RUFY1: variants seen among roughly 807,000 people sequenced by gnomAD.
RUFY1 encodes the protein RUN and FYVE domain containing 1.
A neutral mutation model predicts 94.6 loss-of-function variants in RUFY1; 54 were observed. The observed-to-expected ratio is 0.57, with a 90% CI of 0.46 to 0.72. The LOEUF is 0.72. RUFY1 is among the 30% of genes least tolerant of loss of function. The pLI is 0.00. For missense variants in RUFY1, 883 were observed against 883.9 expected, an observed-to-expected ratio of 1.00 and a Z score of 0.01; for synonymous variants, 396 against 347.3, an observed-to-expected ratio of 1.14 and a Z score of -1.56.
At chr5:179,602,145 G>A in intron 15 of RUFY1, 159 bp downstream of exon 15, 1 of 630,896 alleles carries the variant, frequency 1.6e-6, no homozygotes, top group Non-Finnish European at 2.9e-6. Flanking sequence ...CCCGGCCTCA[G>A]AGGGGCCCAG....
At position 179,609,483 on chromosome 5, in the gene RUFY1, CCTGCTCCTGCAGCG is replaced by C. The variant is rs1282413684; in HGVS notation, c.2100_2113del (p.Gln701HisfsTer103). ...TGCGAGTGTGCGACAGCTGCCACAC[CCTGCTCCTGCAGCG>C]CTGCTCCTCCACGGCCTCCTGAACG... On this transcript the variant is annotated frameshift_variant, in exon 18 of 18. Coordinates refer to ENST00000319449, the MANE Select transcript of RUFY1 (RefSeq NM_025158.5). LOFTEE classifies it high-confidence loss of function. 5 of 1,610,588 alleles carry C rather than the reference CCTGCTCCTGCAGCG, an allele frequency of 3.1e-6. No homozygotes were observed. Among genetic ancestry groups the C allele is most frequent in the African/African-American group, 2.7e-5 (2 of 74,896 alleles).
At chr5:179,588,514 G>A (rs1764788873) in intron 8 of RUFY1, among the ~76,000 whole-genome samples, 1 of 152,110 alleles carries the variant, frequency 6.6e-6, no homozygotes, top group African/African-American at 2.4e-5. Context: ...GTCCTTCCAG[G>A]GGAATAAGAG....
At chr5:179,593,872 C>T (rs114108887) in intron 11 of RUFY1, among the ~76,000 whole-genome samples, 65 of 152,282 alleles carry the variant, frequency 4.3e-4, no homozygotes, top group African/African-American at 1.5e-3. Flanking sequence ...CCCCTGGTGA[C>T]GTAGCTTCTA....
rs370657549 is a variant in RUFY1, at chr5:179,574,766, A to G, written c.829-2309A>G. Among the ~76,000 whole-genome samples, 26 of 152,344 alleles carry G rather than the reference A, an allele frequency of 1.7e-4. No homozygotes were observed. The South Asian group carries it at 5.4e-3, about 32-fold the overall frequency. ...TTGCTAAATATTGATCACACTTAGT[A>G]GAAATTTGTCTACTTGGTTGAACTT... On this transcript the variant is annotated intron_variant, in intron 5 of 17. Coordinates refer to ENST00000319449, the MANE Select transcript of RUFY1 (RefSeq NM_025158.5).
chr5:179,580,245 A>ATATTT (rs59300402), intron 6 of RUFY1, among the ~76,000 whole-genome samples: 6 of 81,684 alleles, frequency 7.3e-5, no homozygotes, highest in African/African-American at 2.7e-4. Flanking sequence ...GTGTGTGTAT[A>ATATTT]TTTTTTTTTT....
Position 179,577,135 on chromosome 5 carries a change from G to T in RUFY1, c.889G>T (p.Glu297Ter). 8.5e-7 allele frequency: 1 copy of T among 1,177,364 alleles called. No homozygotes were observed. The highest frequency in any genetic ancestry group is 1.2e-5 in the South Asian group (1 of 81,686). 72.9% of individuals were successfully genotyped at this position (1,177,364 alleles called of 1,614,324 possible). Reference protein sequence around the residue: ...KDVQDLDGGKEHERITDVLDQ... With the variant: ...KDVQDLDGGK ...TGTGCAGGATCTTGATGGTGGCAAGGAGTAAGTACTGCGTTGTATGTCACT... is the reference window on the plus strand; with the variant it reads ...TGTGCAGGATCTTGATGGTGGCAAGTAGTAAGTACTGCGTTGTATGTCACT... The change falls in exon 6 of 18, where the codon GAG (glutamate) becomes TAG (stop). Residue 297 changes from glutamate to a stop codon, truncating the protein, a stop_gained and splice_region_variant. Coordinates refer to ENST00000319449, the MANE Select transcript of RUFY1 (RefSeq NM_025158.5). LOFTEE classifies it high-confidence loss of function.
In RUFY1 at chr5:179,609,364, C is replaced by A; in HGVS notation, c.1984-12C>A. 1 of 1,612,332 alleles carries A rather than the reference C, an allele frequency of 6.2e-7. No homozygotes were observed. Among genetic ancestry groups the A allele is most frequent in the Non-Finnish European group, 8.5e-7 (1 of 1,179,416 alleles). ...CCGGGTGTCCTGTGACCGCCTTCTTCCCGTCCTGTAGCACCACTGCCGGAA... is the reference window on the plus strand; with the variant it reads ...CCGGGTGTCCTGTGACCGCCTTCTTACCGTCCTGTAGCACCACTGCCGGAA... On this transcript the variant is annotated splice_polypyrimidine_tract_variant and intron_variant, in intron 17 of 17. Transcript: ENST00000319449.
At chr5:179,596,456 T>C in intron 12 of RUFY1, 106 bp from the exon 13 acceptor site, 1 of 1,409,098 alleles carries the variant, frequency 7.1e-7, no homozygotes, top group Non-Finnish European at 1.0e-6. Flanking sequence ...CTCACAAGAG[T>C]TAATTTTACT....
chr5:179,588,281 C>T (rs1191977533), intron 8 of RUFY1, among the ~76,000 whole-genome samples: 1 of 152,110 alleles, frequency 6.6e-6, no homozygotes, highest in Non-Finnish European at 1.5e-5. Flanking sequence ...CGAGGTCCCT[C>T]CACTAGTGAA....
intron 9 of RUFY1, among the ~76,000 whole-genome samples, chr5:179,591,248 G>A (rs1024825928): frequency 1.3e-5 from 2 of 151,704 alleles, no homozygotes; most frequent in African/African-American, 4.8e-5. Context: ...GCAATGGCAC[G>A]ATCTTGGCTC....
chr5:179,596,248 C>T, intron 12 of RUFY1: 4 of 399,896 alleles, frequency 1.0e-5, no homozygotes, highest in Non-Finnish European at 1.8e-5. Context: ...GATTGATCTC[C>T]AAGACATTAT....
At chr5:179,588,388 TGAG>T (rs144097960) in intron 8 of RUFY1, among the ~76,000 whole-genome samples, 195 of 152,306 alleles carry the variant, frequency 1.3e-3, no homozygotes, top group African/African-American at 4.5e-3. Context: ...GAGGCTGGAA[TGAG>T]GAGGGATGGG....
intron 5 of RUFY1, among the ~76,000 whole-genome samples, chr5:179,574,756 C>T (rs1462645414): frequency 1.3e-5 from 2 of 152,104 alleles, no homozygotes; most frequent in Non-Finnish European, 2.9e-5. Flanking sequence ...AAATATTGAT[C>T]ACACTTAGTA....
At chr5:179,574,309 C>T (rs776867292) in intron 5 of RUFY1, among the ~76,000 whole-genome samples, 28 of 152,106 alleles carry the variant, frequency 1.8e-4, no homozygotes, top group Non-Finnish European at 3.7e-4. Context: ...GCAGGAGAAT[C>T]GCTGGAACCT....
intron 1 of RUFY1, among the ~76,000 whole-genome samples, chr5:179,554,116 G>C (rs1271870507): frequency 6.6e-6 from 1 of 152,258 alleles, no homozygotes; most frequent in Admixed American, 6.5e-5. Context: ...AATGAGGACA[G>C]GCAGGACTTT....
At chr5:179,595,662 C>G (rs1358982862) in intron 12 of RUFY1, among the ~76,000 whole-genome samples, 1 of 151,970 alleles carries the variant, frequency 6.6e-6, no homozygotes, top group Admixed American at 6.6e-5. Context: ...AGCAATTCTC[C>G]TGCCTCAGCC....
intron 10 of RUFY1, 112 bp downstream of exon 10, chr5:179,591,853 C>G: frequency 1.5e-6 from 1 of 653,646 alleles, no homozygotes; most frequent in Non-Finnish European, 2.5e-6. Flanking sequence ...AAGTCAGAAG[C>G]TGTTCATTAA....
intron 5 of RUFY1, 101 bp downstream of exon 5, chr5:179,569,526 A>T: frequency 2.5e-6 from 3 of 1,204,912 alleles, no homozygotes; most frequent in Non-Finnish European, 3.7e-6. Flanking sequence ...GCAAATGGCA[A>T]AGAGCCCACT....
intron 6 of RUFY1, among the ~76,000 whole-genome samples, 200 bp downstream of exon 6, chr5:179,577,336 T>C (rs945141402): frequency 1.3e-5 from 2 of 151,554 alleles, no homozygotes; most frequent in African/African-American, 4.8e-5. Context: ...CATGCCCAGC[T>C]AATTTTTGTG....
Sources: allele counts gnomAD v4.1 joint callset (sites outside exome capture counted in the v4.1 genomes callset), GRCh38; gene constraint gnomAD v4.1.1; transcripts MANE v1.5; gene names NCBI Gene and HGNC (gene_info 2026-07-23, HGNC 2026-07-21).